The following GSPT1 variants were observed in gnomAD, a reference collection of about 807,000 sequenced individuals.
GSPT1 encodes the protein eukaryotic peptide chain release factor GTP-binding subunit ERF3A.
A neutral mutation model predicts 72.5 loss-of-function variants in GSPT1; 20 were observed. The observed-to-expected ratio is 0.28, with a 90% confidence interval of 0.19 to 0.40. The LOEUF (loss-of-function observed/expected upper bound fraction) is 0.40, where lower values mean the gene tolerates loss of function less well. Among genes scored for constraint, GSPT1 ranks in the 10% least tolerant of loss-of-function variants. GSPT1 has a pLI of 1.00. For missense variants in GSPT1, 580 were observed against 811.9 expected (o/e 0.71, Z 3.47); for synonymous variants, 334 against 293.5 (o/e 1.14, Z -1.41).
chr16:11,882,099 G>A (rs1438988252), intron 11 of GSPT1: 1 of 152,192 alleles, frequency 6.6e-6, no homozygotes, highest in African/African-American at 2.4e-5. Flanking sequence ...TGGCCAACAA[G>A]GTGAAACCCT....
intron 1 of GSPT1, among the ~76,000 whole-genome samples, chr16:11,902,239 G>A (rs1479018272): frequency 4.6e-5 from 7 of 151,040 alleles, no homozygotes; most frequent in East Asian, 2.0e-4. Flanking sequence ...AAAATTAGCC[G>A]GGCTTGGTGG....
At chr16:11,888,550 T>G (rs554636803) in intron 6 of GSPT1, among the ~76,000 whole-genome samples, 1 of 150,546 alleles carries the variant, frequency 6.6e-6, no homozygotes, top group Admixed American at 6.6e-5. Context: ...TCACCTGAGG[T>G]CAAGAGATTG....
intron 6 of GSPT1, among the ~76,000 whole-genome samples, chr16:11,888,098 C>G (rs925920710): frequency 6.6e-6 from 1 of 151,474 alleles, no homozygotes; most frequent in African/African-American, 2.4e-5. Context: ...GAGGTTGCAG[C>G]GAGCCAAGAC....
intron 7 of GSPT1, 49 bp downstream of exon 7, chr16:11,887,521 A>G (rs751706791): frequency 1.0e-5 from 15 of 1,441,448 alleles, no homozygotes; most frequent in Non-Finnish European, 1.4e-5. Context: ...TAAAGATATA[A>G]GCGGGGCTAC....
Position 11,915,735 on chromosome 16 carries a change from T to C in GSPT1, c.-15A>G. The C allele has an allele frequency of 1.3e-6, 2 of 1,507,330 alleles. No individual in the cohort carries two copies. The highest frequency in any genetic ancestry group is 1.8e-6 in the Non-Finnish European group (2 of 1,132,004). 93.4% of individuals were successfully genotyped at this position (1,507,330 alleles called of 1,614,324 possible). On this transcript the variant is annotated 5_prime_UTR_variant, in exon 1 of 15. Coordinates refer to ENST00000434724, the MANE Select transcript of GSPT1 (RefSeq NM_002094.4). ...CCCGGATCCATGATCGGGGGGGCCGTGTGTGTGGTGGACAGAGAGCGGGAA... is the reference window on the plus strand; with the variant it reads ...CCCGGATCCATGATCGGGGGGGCCGCGTGTGTGGTGGACAGAGAGCGGGAA...
chr16:11,881,654 GC>G (rs992089857), intron 11 of GSPT1: 2 of 13,324 alleles, frequency 1.5e-4, no homozygotes, highest in Non-Finnish European at 2.9e-4. Flanking sequence ...CACTTCCATA[GC>G]TTTTTTTTTT....
chr16:11,898,040 T>A lies in GSPT1; in HGVS notation c.353-5A>T. 1 of 1,533,000 alleles carries A rather than the reference T, an allele frequency of 6.5e-7. No individual in the cohort carries two copies. Among genetic ancestry groups the A allele is most frequent in the Non-Finnish European group, 8.9e-7 (1 of 1,129,580 alleles). 95.0% of individuals were successfully genotyped at this position (1,533,000 alleles called of 1,614,324 possible). ...CTTGAGAGGATTCCACAGGTGCTGT[T>A]TAACAGAAAGAAGTTCTATTAAAAA... On this transcript the variant is annotated splice_polypyrimidine_tract_variant and splice_region_variant and intron_variant, in intron 1 of 14. Transcript: ENST00000434724.
chr16:11,875,396 A>G (rs908410217), intron 14 of GSPT1, among the ~76,000 whole-genome samples: 2 of 152,194 alleles, frequency 1.3e-5, no homozygotes, highest in African/African-American at 4.8e-5. Flanking sequence ...CACAAAGATT[A>G]GACCTCTGAA....
intron 9 of GSPT1, 76 bp downstream of exon 9, chr16:11,886,395 C>A: frequency 1.1e-6 from 1 of 890,402 alleles, no homozygotes; most frequent in Non-Finnish European, 1.7e-6. Context: ...ACATGTTACT[C>A]AGCATATGTC....
chr16:11,900,062 G>A (rs183022763), intron 1 of GSPT1, among the ~76,000 whole-genome samples: 9 of 152,208 alleles, frequency 5.9e-5, no homozygotes, highest in Non-Finnish European at 1.0e-4. Context: ...AGCCAGGCAC[G>A]GTGGCTCACA....
At position 11,914,253 on chromosome 16, in the gene GSPT1, A is replaced by C. The variant is rs559367640; in HGVS notation, c.352+1116T>G. ...CATTAGGAAGAGAATACTTAAGTTC[A>C]CTCATTTGACATTCCCACAAAATCA... On this transcript the variant is annotated intron_variant, in intron 1 of 14. Transcript: ENST00000434724. Among the ~76,000 whole-genome samples, 3 of 152,278 alleles carry C rather than the reference A, an allele frequency of 2.0e-5. No individual in the cohort carries two copies. The East Asian group carries it at 5.8e-4, about 29-fold the overall frequency.
chr16:11,877,652 G>T lies in GSPT1; in HGVS notation c.1429-72C>A. On this transcript the variant is annotated intron_variant, in intron 11 of 14. Coordinates refer to ENST00000434724, the MANE Select transcript of GSPT1 (RefSeq NM_002094.4). The surrounding 1 kb of genome is among the most constrained non-coding windows in gnomAD (Gnocchi z 4.0). ...TTACGCAACATAAAATGATCTGAAT[G>T]TCTGTCTGCTCAATAAAGAGTTGCA... 1 of 878,444 alleles carries T rather than the reference G, an allele frequency of 1.1e-6. No individual in the cohort carries two copies. Among genetic ancestry groups the T allele is most frequent in the Non-Finnish European group, 1.7e-6 (1 of 592,378 alleles). 54.4% of individuals were successfully genotyped at this position (878,444 alleles called of 1,614,324 possible). A position where few individuals can be genotyped will look rare whatever the true frequency, so the allele number is the denominator to read the frequency against.
chr16:11,873,032 T>C lies in GSPT1; in HGVS notation c.*87A>G. On this transcript the variant is annotated 3_prime_UTR_variant, in exon 15 of 15. Coordinates refer to ENST00000434724, the MANE Select transcript of GSPT1 (RefSeq NM_002094.4). Reference sequence around the variant, plus strand: ...CAAAATATGGGGAGAGGTTTATCAATGGGCAGAAAATAAGAGAAGGCGGTG... The same window carrying C: ...CAAAATATGGGGAGAGGTTTATCAACGGGCAGAAAATAAGAGAAGGCGGTG... The C allele has an allele frequency of 2.7e-6, 2 of 743,330 alleles. No homozygotes were observed. The highest frequency in any genetic ancestry group is 3.4e-5 in the South Asian group (2 of 59,186). The allele number at this position is 743,330 out of a possible 1,614,324, so 46.0% of individuals were successfully genotyped here.
intron 1 of GSPT1, among the ~76,000 whole-genome samples, chr16:11,911,699 C>T (rs983427954): frequency 2.6e-5 from 4 of 151,506 alleles, no homozygotes; most frequent in Admixed American, 1.3e-4. Flanking sequence ...ACTACGGGCG[C>T]GCACCACCAT....
intron 5 of GSPT1, among the ~76,000 whole-genome samples, chr16:11,894,058 A>T (rs1237388377): frequency 1.4e-5 from 2 of 141,454 alleles, no homozygotes; most frequent in East Asian, 4.5e-4. Context: ...TGGGAGGCTG[A>T]GGTGGAAGGA....
rs1254563935 is a variant in GSPT1, at chr16:11,915,025, G to T, written c.352+344C>A. The T allele has an allele frequency of 2.3e-6, 3 of 1,290,124 alleles. No individual in the cohort carries two copies. In the Admixed American group the frequency reaches 6.9e-5, roughly 30 times the overall value. 79.9% of individuals were successfully genotyped at this position (1,290,124 alleles called of 1,614,324 possible). Reference sequence around the variant, plus strand: ...CTGGCTCCATCTGTCCTCATTCTGCGCCTCGTGGCAGGGATCCGCCGCGGC... The same window carrying T: ...CTGGCTCCATCTGTCCTCATTCTGCTCCTCGTGGCAGGGATCCGCCGCGGC... On this transcript the variant is annotated intron_variant, in intron 1 of 14. Transcript: ENST00000434724.
chr16:11,887,522 G>T, intron 7 of GSPT1, 48 bp downstream of exon 7: 2 of 1,439,434 alleles, frequency 1.4e-6, no homozygotes, highest in Non-Finnish European at 1.9e-6. Context: ...AAAGATATAA[G>T]CGGGGCTACT....
intron 1 of GSPT1, among the ~76,000 whole-genome samples, chr16:11,900,318 G>T (rs1267234613): frequency 8.6e-6 from 1 of 116,458 alleles, no homozygotes; most frequent in African/African-American, 3.3e-5. Flanking sequence ...GGACAAGAAT[G>T]AAACTCCGTC....
rs200991035 is a variant in GSPT1, at chr16:11,874,454, CTTT to C, written c.1862-1286_1862-1284del. Among the ~76,000 whole-genome samples, 300 of 95,846 alleles carry C rather than the reference CTTT, an allele frequency of 3.1e-3. 2 individuals carry two copies. The highest frequency in any genetic ancestry group is 0.012 in the African/African-American group (286 of 23,748). 62.9% of individuals were successfully genotyped at this position (95,846 alleles called of 152,430 possible). ...GTGGAAAACCTAAAAGCCAAGTTAG[CTTT>C]TTTTTTTTTTTTTTTTTTTTTTTTT... On this transcript the variant is annotated intron_variant, in intron 14 of 14. Coordinates refer to ENST00000434724, the MANE Select transcript of GSPT1 (RefSeq NM_002094.4).
Sources: gnomAD v4.1 joint callset for allele counts (sites outside exome capture counted in the v4.1 genomes callset) on GRCh38, gnomAD v4.1.1 for gene constraint, Gnocchi (gnomAD v3.1) non-coding constraint, MANE v1.5 for transcripts, NCBI Gene and HGNC (gene_info 2026-07-23, HGNC 2026-07-21) for gene names.